TLL2: variants seen among roughly 807,000 people sequenced by gnomAD.
TLL2 encodes the protein tolloid-like protein 2.
Under a neutral mutation model 123.0 loss-of-function variants are expected in TLL2, and 106 were observed. That is an observed-to-expected ratio of 0.86 (90% CI 0.74 to 1.01). The LOEUF is 1.01. Ranked by LOEUF, TLL2 falls within the 50% of genes least tolerant of loss-of-function variation. The pLI is 0.00. For synonymous variants in TLL2, 494 were observed against 516.8 expected, an observed-to-expected ratio of 0.96 and a Z score of 0.60; for missense variants, 1,332 against 1,336.7, an observed-to-expected ratio of 1.00 and a Z score of 0.06.
chr10:96,475,222 C>T (rs773671820), intron 2 of TLL2, among the ~76,000 whole-genome samples: 3 of 152,146 alleles, frequency 2.0e-5, no homozygotes, highest in Non-Finnish European at 4.4e-5. Context: ...CAACACAGCT[C>T]GTGGCCCCAA....
At position 96,420,953 on chromosome 10, in the gene TLL2, G is replaced by T. The variant is rs772862366; in HGVS notation, c.923+3C>A. 12 of 1,613,528 alleles carry T rather than the reference G, an allele frequency of 7.4e-6. No individual in the cohort carries two copies. The highest frequency in any genetic ancestry group is 2.7e-5 in the African/African-American group (2 of 74,868). On this transcript the variant is annotated splice_donor_region_variant and intron_variant, in intron 7 of 20. Coordinates refer to ENST00000357947, the MANE Select transcript of TLL2 (RefSeq NM_012465.4). ...CAGACGAGGCATAAGCATAGATTCCGACCTTGAGAAGGTGTTCCGGGCGTA... is the reference window on the plus strand; with the variant it reads ...CAGACGAGGCATAAGCATAGATTCCTACCTTGAGAAGGTGTTCCGGGCGTA...
In TLL2 at chr10:96,370,255, A is replaced by C. The variant is rs775454006; in HGVS notation, c.2723T>G (p.Phe908Cys). Reference protein sequence around the residue: ...QTKELYSHAQFGDNNYPSEAR... With the variant: ...QTKELYSHAQCGDNNYPSEAR... ...CTCGCTCGGGTAGTTGTTGTCCCCA[A>C]ACTGGGCGTGGGAATAGAGCTCTTT... is the stretch of plus-strand genomic sequence containing the variant. Residue 908 changes from phenylalanine (F) to cysteine (C), a missense_variant, in exon 20 of 21, where the codon TTT (phenylalanine) becomes TGT (cysteine). Physicochemically the swap from Phe to Cys is radical, Grantham distance 205. Coordinates refer to ENST00000357947, the MANE Select transcript of TLL2 (RefSeq NM_012465.4). The C allele has an allele frequency of 6.2e-7, 1 of 1,612,308 alleles. No individual in the cohort carries two copies. The highest frequency in any genetic ancestry group is 8.5e-7 in the Non-Finnish European group (1 of 1,179,054).
chr10:96,509,865 T>C (rs1009094504), intron 1 of TLL2, among the ~76,000 whole-genome samples: 18 of 152,180 alleles, frequency 1.2e-4, no homozygotes, highest in African/African-American at 3.9e-4. Context: ...GAGAATGGCG[T>C]GAACCCGGGA....
At chr10:96,383,247 T>C (rs747770945) in intron 16 of TLL2, among the ~76,000 whole-genome samples, 1 of 152,186 alleles carries the variant, frequency 6.6e-6, no homozygotes, top group Non-Finnish European at 1.5e-5. Context: ...GTTTGAGAAG[T>C]AGGGTCCAAT....
intron 2 of TLL2, among the ~76,000 whole-genome samples, chr10:96,478,355 C>T (rs890097420): frequency 3.3e-5 from 5 of 152,218 alleles, no homozygotes; most frequent in Non-Finnish European, 7.3e-5. Flanking sequence ...AGACACCACT[C>T]CTGTCTTCTA....
At chr10:96,415,729 G>GTCTCTCTC (rs149968045) in intron 7 of TLL2, among the ~76,000 whole-genome samples, 5 of 8,578 alleles carry the variant, frequency 5.8e-4, no homozygotes, top group African/African-American at 2.0e-3. Context: ...CTCTCTCTCT[G>GTCTCTCTC]TCTCTCTCTG....
rs752320626 is a variant in TLL2 at position 96,379,027 on chromosome 10, A to C, written c.2260T>G (p.Tyr754Asp). The stretch of plus-strand genomic sequence containing the variant: ...TAGCCGTTTCTGCACCTGCACAGGT[A>C]GCTCCCGAAGGTGTTGACGCACTCA... Reference protein sequence around the residue: ...QHECVNTFGSYLCRCRNGYWL... With the variant: ...QHECVNTFGSDLCRCRNGYWL... The change falls in exon 17 of 21, where the codon TAC becomes GAC. Residue 754 changes from tyrosine to aspartate, a missense_variant. Physicochemically the swap from Tyr to Asp is radical, Grantham distance 160 (BLOSUM62 -3). Coordinates refer to ENST00000357947, the MANE Select transcript of TLL2 (RefSeq NM_012465.4). 6.2e-7 allele frequency: 1 copy of C among 1,614,184 alleles called. No individual in the cohort carries two copies. The highest frequency in any genetic ancestry group is 1.1e-5 in the South Asian group (1 of 91,078).
rs71484220 is a variant in TLL2 at position 96,479,757 on chromosome 10, C to A, written c.286+592G>T. The stretch of plus-strand genomic sequence containing the variant: ...CCAGCTAACTTCTCCAGACACATCT[C>A]CTGCCACAGCCCACCCCAAAGGGCT... On this transcript the variant is annotated intron_variant, in intron 2 of 20. Transcript: ENST00000357947. Among the ~76,000 whole-genome samples, 5 of 152,366 alleles carry A rather than the reference C, an allele frequency of 3.3e-5. No individual in the cohort carries two copies. In the South Asian group the frequency reaches 1.0e-3, roughly 32 times the overall value.
At chr10:96,469,840 T>A (rs1186673734) in intron 2 of TLL2, among the ~76,000 whole-genome samples, 1 of 152,222 alleles carries the variant, frequency 6.6e-6, no homozygotes, top group Non-Finnish European at 1.5e-5. Context: ...GAGAAAGCAA[T>A]TCTAATCATG....
intron 9 of TLL2, 22 bp from the exon 10 acceptor site, chr10:96,405,356 T>C (rs1229542019): frequency 9.3e-6 from 15 of 1,612,220 alleles, no homozygotes; most frequent in Non-Finnish European, 1.1e-5. Context: ...TACCATAAAG[T>C]GAGTTTTGGC....
At chr10:96,465,336 C>T (rs1847118637) in intron 2 of TLL2, among the ~76,000 whole-genome samples, 2 of 152,184 alleles carry the variant, frequency 1.3e-5, no homozygotes, top group South Asian at 4.1e-4. Context: ...AATGTGGTCC[C>T]ACCTCACTGA....
At chr10:96,410,213 A>T (rs1446897515) in intron 9 of TLL2, 146 bp downstream of exon 9, 5 of 626,812 alleles carry the variant, frequency 8.0e-6, no homozygotes, top group African/African-American at 1.8e-5. Flanking sequence ...GAAATAATGA[A>T]CGTACAGCAA....
At position 96,367,518 on chromosome 10, in the gene TLL2, C is replaced by T. The variant is rs1415173536; in HGVS notation, c.*570G>A. 6.5e-6 allele frequency: 1 copy of T among 152,794 alleles called. No homozygotes were observed. Among genetic ancestry groups the T allele is most frequent in the Admixed American group, 6.5e-5 (1 of 15,378 alleles). The allele number at this position is 152,794 out of a possible 1,614,324, so 9.5% of individuals were successfully genotyped here. A position where few individuals can be genotyped will look rare whatever the true frequency, so the allele number is the denominator to read the frequency against. On this transcript the variant is annotated 3_prime_UTR_variant, in exon 21 of 21. Coordinates refer to ENST00000357947, the MANE Select transcript of TLL2 (RefSeq NM_012465.4). ...ATGACAATGATTCTTATACTCGAAA[C>T]TCCCTCTGTGCTCACTGCTCACTGT...
intron 16 of TLL2, among the ~76,000 whole-genome samples, chr10:96,381,097 C>T (rs1846183468): frequency 6.6e-6 from 1 of 152,212 alleles, no homozygotes; most frequent in Admixed American, 6.5e-5. Flanking sequence ...CTCACCCCTG[C>T]TCTGATCCTC....
intron 2 of TLL2, among the ~76,000 whole-genome samples, chr10:96,468,664 G>A (rs1359539472): frequency 6.6e-6 from 1 of 152,124 alleles, no homozygotes; most frequent in Non-Finnish European, 1.5e-5. Flanking sequence ...TCCCAATTTT[G>A]ATTCAGGCTC....
intron 2 of TLL2, among the ~76,000 whole-genome samples, chr10:96,472,775 AG>A (rs1213612183): frequency 6.6e-6 from 1 of 152,116 alleles, no homozygotes; most frequent in African/African-American, 2.4e-5. Context: ...AAGAAAAAAA[AG>A]CTTCAAAGTT....
At position 96,476,248 on chromosome 10, in the gene TLL2, T is replaced by TTTTTTTTTGTTG. The variant is rs1285354320; in HGVS notation, c.286+4100_286+4101insCAACAAAAAAAA. On this transcript the variant is annotated intron_variant, in intron 2 of 20. Transcript: ENST00000357947. ...TATATATATATATATATATTTTATTTTTGTTGTTGTTGTTGTTGTTGAGAC... is the reference window on the plus strand; with the variant it reads ...TATATATATATATATATATTTTATTTTTTTTTTTGTTGTTGTTGTTGTTGTTGTTGTTGAGAC... 9.1e-3 allele frequency among the ~76,000 whole-genome samples: 631 copies of TTTTTTTTTGTTG among 69,134 alleles called. 50 individuals are homozygous for TTTTTTTTTGTTG. The highest frequency in any genetic ancestry group is 0.036 in the African/African-American group (580 of 15,990). The allele number at this position is 69,134 out of a possible 152,430, so 45.4% of individuals were successfully genotyped here. A position where few individuals can be genotyped will look rare whatever the true frequency, so the allele number is the denominator to read the frequency against.
intron 15 of TLL2, 82 bp downstream of exon 15, chr10:96,385,973 T>G (rs572372318): frequency 2.3e-4 from 320 of 1,365,758 alleles, no homozygotes; most frequent in Non-Finnish European, 2.9e-4. Flanking sequence ...GCCATCTCCC[T>G]GCCCTCCCAG....
intron 2 of TLL2, among the ~76,000 whole-genome samples, chr10:96,449,956 T>C (rs1846939645): frequency 6.6e-6 from 1 of 152,132 alleles, no homozygotes; most frequent in Admixed American, 6.5e-5. Context: ...CTGGCCTTAT[T>C]CACCACCCTC....
Sources: allele counts gnomAD v4.1 joint callset (sites outside exome capture counted in the v4.1 genomes callset), GRCh38; gene constraint gnomAD v4.1.1; transcripts MANE v1.5; gene names NCBI Gene and HGNC (gene_info 2026-07-23, HGNC 2026-07-21).